The following SPTBN1 variants were observed in gnomAD, a reference collection of about 807,000 sequenced individuals.
SPTBN1 encodes spectrin beta, non-erythrocytic 1, also known as spectrin beta chain, non-erythrocytic 1.
Under a neutral mutation model 266.4 loss-of-function variants are expected in SPTBN1, and 32 were observed. The ratio of observed to expected loss-of-function variants is 0.12; its 90% confidence interval spans 0.09 to 0.16. The LOEUF is 0.16. Among genes scored for constraint, SPTBN1 ranks in the 10% least tolerant of loss-of-function variants. The probability of loss-of-function intolerance (pLI) is 1.00; values close to 1 mark genes in which losing one functional copy is unlikely to be tolerated. For missense variants in SPTBN1, 2,296 were observed against 3,067.1 expected (o/e 0.75, Z 5.94); for synonymous variants, 1,336 against 1,162.2 (o/e 1.15, Z -3.04).
At chr2:54,589,028 G>C (rs963009350) in intron 2 of SPTBN1, among the ~76,000 whole-genome samples, 3 of 152,106 alleles carry the variant, frequency 2.0e-5, no homozygotes, top group African/African-American at 7.2e-5. Context: ...TCACATCGTG[G>C]AGAATGGGAT....
rs746897447 is a variant in SPTBN1, at chr2:54,562,533, C to CTTTTTTTCTTTTTTTTTT, written c.148+35974_148+35975insCTTTTTTTTTTTTTTTTT. Among the ~76,000 whole-genome samples the CTTTTTTTCTTTTTTTTTT allele has an allele frequency of 3.6e-3, 462 of 126,804 alleles. 30 individuals carry two copies. Among genetic ancestry groups the CTTTTTTTCTTTTTTTTTT allele is most frequent in the African/African-American group, 0.013 (415 of 30,898 alleles). 83.2% of individuals were successfully genotyped at this position (126,804 alleles called of 152,430 possible). On this transcript the variant is annotated intron_variant, in intron 2 of 35. Coordinates refer to ENST00000356805, the MANE Select transcript of SPTBN1 (RefSeq NM_003128.3). ...AAATGCTTACTTTTCTTTTCTTTTT[C>CTTTTTTTCTTTTTTTTTT]TTTTTTTTTTTTGAGGCAAGGTCTG...
intron 34 of SPTBN1, 76 bp downstream of exon 34, chr2:54,666,164 C>A: frequency 7.0e-7 from 1 of 1,436,846 alleles, no homozygotes; most frequent in Non-Finnish European, 9.5e-7. Flanking sequence ...TTTTCTTATA[C>A]AGCTGCTGTG....
At chr2:54,647,081 G>C (rs1558466311) in intron 23 of SPTBN1, 50 bp from the exon 24 acceptor site, 1 of 1,613,206 alleles carries the variant, frequency 6.2e-7, no homozygotes, top group East Asian at 2.2e-5. Flanking sequence ...TCCTTAAGGG[G>C]TAGGGCCAGA....
At chr2:54,575,808 A>G (rs537412907) in intron 2 of SPTBN1, among the ~76,000 whole-genome samples, 1 of 152,316 alleles carries the variant, frequency 6.6e-6, no homozygotes, top group African/African-American at 2.4e-5. Flanking sequence ...CTCAACCAAA[A>G]GGAGAGGAGA....
At chr2:54,624,654 G>T in intron 10 of SPTBN1, 150 bp from the exon 11 acceptor site, 4 of 1,191,730 alleles carry the variant, frequency 3.4e-6, no homozygotes, top group South Asian at 3.2e-5. Context: ...TTTCCTCAAG[G>T]CTTGAGAGTC....
rs1681267723 is a variant in SPTBN1 at position 54,664,763 on chromosome 2, A to G, written c.6659+72A>G. ...GAAGGGATAAGGCGGGCCACTCTTGAATTGGAAGAGAAGTATGTGCTCATG... is the reference window on the plus strand; with the variant it reads ...GAAGGGATAAGGCGGGCCACTCTTGGATTGGAAGAGAAGTATGTGCTCATG... On this transcript the variant is annotated intron_variant, in intron 33 of 35. Coordinates refer to ENST00000356805, the MANE Select transcript of SPTBN1 (RefSeq NM_003128.3). The surrounding 1 kb of genome is among the most constrained non-coding windows in gnomAD (Gnocchi z 5.6). 2 of 1,458,762 alleles carry G rather than the reference A, an allele frequency of 1.4e-6. No individual in the cohort carries two copies. The highest frequency in any genetic ancestry group is 1.9e-6 in the Non-Finnish European group (2 of 1,057,654). 90.4% of individuals were successfully genotyped at this position (1,458,762 alleles called of 1,614,324 possible). A position where few individuals can be genotyped will look rare whatever the true frequency, so the allele number is the denominator to read the frequency against.
intron 2 of SPTBN1, among the ~76,000 whole-genome samples, chr2:54,583,919 C>G (rs1383915457): frequency 6.6e-6 from 1 of 152,088 alleles, no homozygotes; most frequent in Non-Finnish European, 1.5e-5. Context: ...AATGGGAACG[C>G]TCTTTAAATT....
At chr2:54,506,457 G>GT (rs933374892) in intron 1 of SPTBN1, among the ~76,000 whole-genome samples, 62 of 146,168 alleles carry the variant, frequency 4.2e-4, no homozygotes, top group South Asian at 1.3e-3. Context: ...TATCTGTTTG[G>GT]TTTTTTTTTT....
chr2:54,578,960 G>C (rs956159746), intron 2 of SPTBN1, among the ~76,000 whole-genome samples: 7 of 152,212 alleles, frequency 4.6e-5, no homozygotes, highest in Admixed American at 3.9e-4. Flanking sequence ...TAGACTGAAA[G>C]GTGCCATGTC....
intron 1 of SPTBN1, among the ~76,000 whole-genome samples, chr2:54,522,054 C>T (rs889417292): frequency 6.6e-6 from 1 of 151,638 alleles, no homozygotes; most frequent in African/African-American, 2.4e-5. Context: ...CATGCCACCA[C>T]AGCTGGCTAT....
intron 17 of SPTBN1, among the ~76,000 whole-genome samples, chr2:54,636,717 T>A (rs569757762): frequency 1.3e-5 from 2 of 152,338 alleles, no homozygotes; most frequent in South Asian, 4.1e-4. Context: ...CAGAGAGAAA[T>A]TGCTCTAAGA....
intron 2 of SPTBN1, among the ~76,000 whole-genome samples, chr2:54,538,130 A>C (rs1374065272): frequency 6.6e-6 from 1 of 152,268 alleles, no homozygotes; most frequent in African/African-American, 2.4e-5. Flanking sequence ...GTTACTTAAA[A>C]AAAAGGAGCC....
chr2:54,464,808 G>A (rs1693543215), intron 1 of SPTBN1, among the ~76,000 whole-genome samples: 1 of 152,134 alleles, frequency 6.6e-6, no homozygotes, highest in Non-Finnish European at 1.5e-5. Context: ...TCCTGCCTCA[G>A]CCTCCCAAGT....
chr2:54,581,854 A>G (rs550659942), intron 2 of SPTBN1, among the ~76,000 whole-genome samples: 12 of 152,304 alleles, frequency 7.9e-5, no homozygotes, highest in African/African-American at 2.9e-4. Flanking sequence ...GCTGCTGCTA[A>G]TTACCACAAG....
At chr2:54,500,694 A>C (rs1324472113) in intron 1 of SPTBN1, among the ~76,000 whole-genome samples, 2 of 152,094 alleles carry the variant, frequency 1.3e-5, no homozygotes, top group East Asian at 3.9e-4. Context: ...CTACAGATGC[A>C]TGCCACCACG....
At chr2:54,478,716 G>A (rs756306449) in intron 1 of SPTBN1, among the ~76,000 whole-genome samples, 2 of 152,030 alleles carry the variant, frequency 1.3e-5, no homozygotes, top group African/African-American at 4.8e-5. Context: ...GAACCACTTG[G>A]GATGCATTTT....
At chr2:54,577,594 C>T (rs1416512580) in intron 2 of SPTBN1, among the ~76,000 whole-genome samples, 1 of 152,164 alleles carries the variant, frequency 6.6e-6, no homozygotes, top group Non-Finnish European at 1.5e-5. Flanking sequence ...CAGGCATTGT[C>T]CTAAGTACTT....
At chr2:54,611,438 A>G (rs1461345768) in intron 3 of SPTBN1, among the ~76,000 whole-genome samples, 2 of 152,088 alleles carry the variant, frequency 1.3e-5, no homozygotes, top group Non-Finnish European at 2.9e-5. Context: ...TTTATAGTAG[A>G]TGTATATATA....
At chr2:54,485,064 T>G (rs1165429439) in intron 1 of SPTBN1, among the ~76,000 whole-genome samples, 4 of 151,288 alleles carry the variant, frequency 2.6e-5, no homozygotes, top group Admixed American at 2.0e-4. Flanking sequence ...ACTTGAAGTT[T>G]GCACAGAATG....
Sources: allele counts gnomAD v4.1 joint callset (sites outside exome capture counted in the v4.1 genomes callset), GRCh38; gene constraint gnomAD v4.1.1; non-coding constraint Gnocchi (gnomAD v3.1); transcripts MANE v1.5; gene names NCBI Gene and HGNC (gene_info 2026-07-23, HGNC 2026-07-21).